The following ITFG1 variants were observed in gnomAD, a reference collection of about 807,000 sequenced individuals.
The protein encoded by ITFG1 is integrin alpha FG-GAP repeat containing 1.
ITFG1 carries 34 observed loss-of-function variants against 81.8 expected under a neutral mutation model. That is an observed-to-expected ratio of 0.42 (90% CI 0.32 to 0.55). The LOEUF is 0.55. Ranked by LOEUF, ITFG1 falls within the 20% of genes least tolerant of loss-of-function variation. The probability of loss-of-function intolerance (pLI) is 0.17; values close to 1 mark genes in which losing one functional copy is unlikely to be tolerated. For synonymous variants in ITFG1, 285 were observed against 270.6 expected (o/e 1.05, Z -0.52); for missense variants, 672 against 755.4 (o/e 0.89, Z 1.29).
At position 47,324,509 on chromosome 16, in the gene ITFG1, G is replaced by A. The variant is rs1026590975; in HGVS notation, c.803-10686C>T. ...CAATATTAACTTTAAATGTAAATGGGTTAAATGCTCCAATTAAAAGGCACG... is the reference window on the plus strand; with the variant it reads ...CAATATTAACTTTAAATGTAAATGGATTAAATGCTCCAATTAAAAGGCACG... On this transcript the variant is annotated intron_variant, in intron 8 of 17. Transcript: ENST00000320640. 1.4e-3 allele frequency among the ~76,000 whole-genome samples: 218 copies of A among 152,186 alleles called. 2 individuals are homozygous for A. Among genetic ancestry groups the A allele is most frequent in the African/African-American group, 5.0e-3 (207 of 41,480 alleles).
At chr16:47,174,781 A>G (rs1001692941) in intron 14 of ITFG1, among the ~76,000 whole-genome samples, 1 of 152,128 alleles carries the variant, frequency 6.6e-6, no homozygotes. Context: ...CTGCCTCCCA[A>G]AGTGCTGGGA....
At chr16:47,284,813 A>G (rs918995643) in intron 10 of ITFG1, among the ~76,000 whole-genome samples, 2 of 152,226 alleles carry the variant, frequency 1.3e-5, no homozygotes, top group African/African-American at 4.8e-5. Context: ...GTCCTCAAAT[A>G]AGTATTCTTA....
rs578241490 is a variant in ITFG1, at chr16:47,435,982, A to AT, written c.561-7085dup. ...TATAAATATAATTGAATTGTCATCC[A>AT]TCCCCCATCATCCACAAAAGAATTC... On this transcript the variant is annotated intron_variant, in intron 5 of 17. Transcript: ENST00000320640. 5.0e-3 allele frequency among the ~76,000 whole-genome samples: 759 copies of AT among 152,232 alleles called. 8 individuals carry two copies. Among genetic ancestry groups the AT allele is most frequent in the African/African-American group, 0.017 (716 of 41,578 alleles).
At chr16:47,437,465 C>T (rs1295553238) in intron 5 of ITFG1, among the ~76,000 whole-genome samples, 1 of 142,140 alleles carries the variant, frequency 7.0e-6, no homozygotes. Context: ...GAGAGTCCAT[C>T]TCCTGAAAAA....
intron 10 of ITFG1, chr16:47,263,431 G>T: frequency 2.4e-6 from 1 of 419,998 alleles, no homozygotes; most frequent in Non-Finnish European, 4.8e-6. Context: ...ATGTGCAGGA[G>T]GATGGCTGGA....
chr16:47,315,214 A>G (rs1967334554), intron 8 of ITFG1, among the ~76,000 whole-genome samples: 1 of 152,104 alleles, frequency 6.6e-6, no homozygotes, highest in African/African-American at 2.4e-5. Flanking sequence ...ATAGATTTGG[A>G]CTACTGAGAA....
At chr16:47,283,238 C>T (rs189127499) in intron 10 of ITFG1, among the ~76,000 whole-genome samples, 1 of 152,106 alleles carries the variant, frequency 6.6e-6, no homozygotes, top group East Asian at 1.9e-4. Context: ...GATTTTAATC[C>T]ACCTTGAGTT....
intron 13 of ITFG1, among the ~76,000 whole-genome samples, chr16:47,230,501 A>G (rs1965803938): frequency 6.6e-6 from 1 of 152,164 alleles, no homozygotes; most frequent in African/African-American, 2.4e-5. Flanking sequence ...GAAGGTACAT[A>G]TGTATACATG....
At chr16:47,304,013 GA>G (rs1013518157) in intron 10 of ITFG1, among the ~76,000 whole-genome samples, 11 of 149,320 alleles carry the variant, frequency 7.4e-5, no homozygotes, top group African/African-American at 1.2e-4. Flanking sequence ...CTGGGATTTG[GA>G]AAAAAAAAAT....
At chr16:47,191,838 G>T in intron 14 of ITFG1, among the ~76,000 whole-genome samples, 1 of 152,044 alleles carries the variant, frequency 6.6e-6, no homozygotes, top group African/African-American at 2.4e-5. Context: ...TTAACACAGG[G>T]TCTTGGTCTG....
chr16:47,213,881 G>GT (rs1171758627), intron 14 of ITFG1, among the ~76,000 whole-genome samples: 1 of 152,170 alleles, frequency 6.6e-6, no homozygotes, highest in African/African-American at 2.4e-5. Context: ...GTACATGTAA[G>GT]TAAGTGTTTC....
chr16:47,316,727 C>T (rs926706753), intron 8 of ITFG1, among the ~76,000 whole-genome samples: 1 of 152,156 alleles, frequency 6.6e-6, no homozygotes, highest in Non-Finnish European at 1.5e-5. Context: ...TCTCACACTA[C>T]AGGAATATTT....
intron 12 of ITFG1, among the ~76,000 whole-genome samples, chr16:47,253,045 C>T (rs1037652532): frequency 6.6e-6 from 1 of 152,086 alleles, no homozygotes; most frequent in Admixed American, 6.5e-5. Flanking sequence ...AAAACTAAAA[C>T]CTCCTGCACC....
At chr16:47,390,844 T>C (rs1003598181) in intron 6 of ITFG1, among the ~76,000 whole-genome samples, 3 of 152,138 alleles carry the variant, frequency 2.0e-5, no homozygotes, top group Non-Finnish European at 4.4e-5. Context: ...GCTCATTTGC[T>C]CTCTTAACAA....
chr16:47,367,907 C>T (rs948001786), intron 7 of ITFG1, among the ~76,000 whole-genome samples: 1 of 152,118 alleles, frequency 6.6e-6, no homozygotes, highest in Non-Finnish European at 1.5e-5. Flanking sequence ...TTGCCAAATC[C>T]CTAGCTGAAG....
chr16:47,258,178 A>T (rs997823389), intron 12 of ITFG1, among the ~76,000 whole-genome samples: 14 of 152,232 alleles, frequency 9.2e-5, no homozygotes, highest in Non-Finnish European at 1.8e-4. Context: ...ACAGGTGAAC[A>T]TCATGTGCTT....
chr16:47,357,517 A>G (rs550266108), intron 8 of ITFG1, among the ~76,000 whole-genome samples: 1 of 150,598 alleles, frequency 6.6e-6, no homozygotes, highest in South Asian at 2.1e-4. Context: ...CGGGAGGCTG[A>G]GGCAGAAGAA....
chr16:47,336,893 G>A (rs1967711231), intron 8 of ITFG1, among the ~76,000 whole-genome samples: 1 of 151,666 alleles, frequency 6.6e-6, no homozygotes, highest in Admixed American at 6.6e-5. Context: ...AACCCAGGAG[G>A]CGGAGGTTGC....
intron 8 of ITFG1, among the ~76,000 whole-genome samples, chr16:47,323,845 A>T (rs1172136951): frequency 6.6e-6 from 1 of 152,184 alleles, no homozygotes; most frequent in Non-Finnish European, 1.5e-5. Context: ...ACATGGCAAC[A>T]GCCTTGTTTA....
Sources: allele counts gnomAD v4.1 joint callset (sites outside exome capture counted in the v4.1 genomes callset), GRCh38; gene constraint gnomAD v4.1.1; transcripts MANE v1.5; gene names NCBI Gene and HGNC (gene_info 2026-07-23, HGNC 2026-07-21).